The following RBPMS variants were observed in gnomAD, a reference collection of about 807,000 sequenced individuals.
The protein encoded by RBPMS is RNA binding protein, mRNA processing factor, also known as RNA-binding protein with multiple splicing.
RBPMS carries 7 observed loss-of-function variants against 26.8 expected under a neutral mutation model. The observed-to-expected ratio is 0.26, with a 90% CI of 0.15 to 0.49. The LOEUF is 0.49. RBPMS is among the 20% of genes least tolerant of loss of function. The pLI, the probability that RBPMS is intolerant of heterozygous loss-of-function variation, is 0.98. For synonymous variants in RBPMS, 96 were observed against 93.3 expected, an observed-to-expected ratio of 1.03 and a Z score of -0.17; for missense variants, 186 against 250.0, an observed-to-expected ratio of 0.74 and a Z score of 1.73.
At chr8:30,432,445 T>G (rs1812041139) in intron 1 of RBPMS, among the ~76,000 whole-genome samples, 1 of 152,202 alleles carries the variant, frequency 6.6e-6, no homozygotes, top group Non-Finnish European at 1.5e-5. Flanking sequence ...TGCCCATGAC[T>G]TCTTTCTGTG....
At chr8:30,499,870 CTGTGTGTGTGTGTGTGTGTGTG>C (rs10543546) in intron 4 of RBPMS, among the ~76,000 whole-genome samples, 3 of 150,184 alleles carry the variant, frequency 2.0e-5, no homozygotes, top group Admixed American at 1.3e-4. Flanking sequence ...TCAGGGGAAA[CTGTGTGTGTGTGTGTGTGTGTG>C]TGTGTGTGTG....
intron 1 of RBPMS, among the ~76,000 whole-genome samples, chr8:30,452,029 G>A (rs1244926857): frequency 1.3e-5 from 2 of 152,116 alleles, no homozygotes; most frequent in Non-Finnish European, 2.9e-5. Context: ...TAGAACACAG[G>A]CCTTTTCTGT....
intron 1 of RBPMS, among the ~76,000 whole-genome samples, chr8:30,464,463 A>C (rs1322202693): frequency 6.6e-6 from 1 of 152,214 alleles, no homozygotes; most frequent in African/African-American, 2.4e-5. Context: ...AATTGTTAGA[A>C]GCATATTGCA....
At chr8:30,423,982 C>A (rs1421288991) in intron 1 of RBPMS, among the ~76,000 whole-genome samples, 1 of 152,028 alleles carries the variant, frequency 6.6e-6, no homozygotes, top group East Asian at 1.9e-4. Context: ...GGACCTCAGA[C>A]GTGCACCACC....
At chr8:30,511,486 A>AT (rs1212814521) in intron 5 of RBPMS, among the ~76,000 whole-genome samples, 2 of 23,572 alleles carry the variant, frequency 8.5e-5, no homozygotes, top group African/African-American at 3.3e-4. Flanking sequence ...AAAAAAAAAA[A>AT]ATATATATAT....
intron 6 of RBPMS, chr8:30,544,973 G>C: frequency 6.9e-7 from 1 of 1,454,992 alleles, no homozygotes. Flanking sequence ...GTGTGGAAGG[G>C]CTGCAGAGGA....
chr8:30,437,067 C>T (rs950365555), intron 1 of RBPMS, among the ~76,000 whole-genome samples: 2 of 151,456 alleles, frequency 1.3e-5, no homozygotes, highest in East Asian at 2.0e-4. Context: ...GGACTATAGG[C>T]GCCCGCCACC....
At chr8:30,516,030 G>A (rs1402624667) in intron 5 of RBPMS, among the ~76,000 whole-genome samples, 1 of 152,214 alleles carries the variant, frequency 6.6e-6, no homozygotes, top group African/African-American at 2.4e-5. Context: ...GTTTTTACGT[G>A]TGTAAAGGTG....
intron 5 of RBPMS, among the ~76,000 whole-genome samples, chr8:30,529,362 A>T (rs544049547): frequency 2.6e-5 from 4 of 151,450 alleles, no homozygotes; most frequent in African/African-American, 9.7e-5. Flanking sequence ...CACCTTAAAA[A>T]CTCTAACTGC....
Position 30,384,985 on chromosome 8 carries a change from C to T in RBPMS, c.-108C>T. 1 of 771,922 alleles carries T rather than the reference C, an allele frequency of 1.3e-6. No homozygotes were observed. Among genetic ancestry groups the T allele is most frequent in the Non-Finnish European group, 1.8e-6 (1 of 541,562 alleles). The allele number at this position is 771,922 out of a possible 1,614,324, so 47.8% of individuals were successfully genotyped here. On this transcript the variant is annotated 5_prime_UTR_variant, in exon 1 of 9. Coordinates refer to ENST00000397323, the MANE Select transcript of RBPMS (RefSeq NM_001008710.3). The surrounding 1 kb of genome is among the most constrained non-coding windows in gnomAD (Gnocchi z 5.6). ...AGCTCCAGCCCCACAGCCCGCGGCG[C>T]CCGCCCGAGGGAGCCCCGGCGCCCG...
intron 1 of RBPMS, among the ~76,000 whole-genome samples, chr8:30,390,861 C>T (rs943363485): frequency 7.9e-5 from 12 of 152,156 alleles, no homozygotes; most frequent in South Asian, 4.1e-4. Context: ...CATATATACA[C>T]GTATATAATT....
intron 4 of RBPMS, among the ~76,000 whole-genome samples, chr8:30,489,401 T>C (rs1014395712): frequency 1.3e-5 from 2 of 152,208 alleles, no homozygotes; most frequent in African/African-American, 4.8e-5. Context: ...TGCTGTTAAT[T>C]AATGATAATG....
In RBPMS at chr8:30,393,299, CATTA is replaced by C. The variant is rs1357248412; in HGVS notation, c.66+8145_66+8148del. On this transcript the variant is annotated intron_variant, in intron 1 of 8. Transcript: ENST00000397323. ...CTGTTTATAAACCTCCCAAACTTGC[CATTA>C]ATTCCCAGGCTTTTACTTCTCCAAC... Among the ~76,000 whole-genome samples the C allele has an allele frequency of 2.6e-5, 4 of 152,058 alleles. No individual in the cohort carries two copies. The East Asian group carries it at 7.7e-4, about 29-fold the overall frequency.
At chr8:30,411,272 G>A (rs1445878201) in intron 1 of RBPMS, among the ~76,000 whole-genome samples, 3 of 152,182 alleles carry the variant, frequency 2.0e-5, no homozygotes, top group Non-Finnish European at 4.4e-5. Context: ...AGGCCATTAA[G>A]TAGGAGTCTT....
At position 30,384,712 on chromosome 8, in the gene RBPMS, A is replaced by C; in HGVS notation, c.-381A>C. The C allele has an allele frequency of 6.2e-6, 1 of 161,230 alleles. No homozygotes were observed. The highest frequency in any genetic ancestry group is 1.3e-5 in the Non-Finnish European group (1 of 76,772). 10.0% of individuals were successfully genotyped at this position (161,230 alleles called of 1,614,324 possible). A position where few individuals can be genotyped will look rare whatever the true frequency, so the allele number is the denominator to read the frequency against. ...CCCCCAGCCCCAACTCTCCGCGCTT[A>C]CTCCTGGGACGCGCGTCCTCGCCCC... On this transcript the variant is annotated 5_prime_UTR_variant, in exon 1 of 9. Coordinates refer to ENST00000397323, the MANE Select transcript of RBPMS (RefSeq NM_001008710.3). This position sits in a 1 kb window ranked among gnomAD's most constrained non-coding sequence, Gnocchi z 5.6.
chr8:30,408,444 G>A (rs1242477126), intron 1 of RBPMS, among the ~76,000 whole-genome samples: 1 of 152,192 alleles, frequency 6.6e-6, no homozygotes, highest in South Asian at 2.1e-4. Flanking sequence ...CAGGAGAATC[G>A]CTTGAATCCA....
intron 4 of RBPMS, among the ~76,000 whole-genome samples, chr8:30,486,887 T>C (rs1013049392): frequency 2.0e-5 from 3 of 152,238 alleles, no homozygotes; most frequent in Non-Finnish European, 2.9e-5. Flanking sequence ...TTATGGCCTT[T>C]TATGAGGATC....
chr8:30,385,738 A>G (rs2150524345), intron 1 of RBPMS, among the ~76,000 whole-genome samples: 1 of 152,256 alleles, frequency 6.6e-6, no homozygotes, highest in South Asian at 2.1e-4. Context: ...TTGTGATTTT[A>G]GGGGCCGTGC....
At chr8:30,555,547 G>GAGAGAGAGAACTATGGGAGA (rs1491109203) in intron 6 of RBPMS, among the ~76,000 whole-genome samples, 1 of 151,680 alleles carries the variant, frequency 6.6e-6, no homozygotes, top group Non-Finnish European at 1.5e-5. Context: ...GTGCACATTT[G>GAGAGAGAGAACTATGGGAGA]AGAGAGAGAA....
Sources: gnomAD v4.1 joint callset for allele counts (sites outside exome capture counted in the v4.1 genomes callset) on GRCh38, gnomAD v4.1.1 for gene constraint, Gnocchi (gnomAD v3.1) non-coding constraint, MANE v1.5 for transcripts, NCBI Gene and HGNC (gene_info 2026-07-23, HGNC 2026-07-21) for gene names.